The following DIAPH3 variants were observed in gnomAD, a reference collection of about 807,000 sequenced individuals.
DIAPH3 encodes the protein diaphanous related formin 3.
Under a neutral mutation model 144.3 loss-of-function variants are expected in DIAPH3, and 117 were observed. The ratio of observed to expected loss-of-function variants is 0.81; its 90% CI spans 0.70 to 0.95. The LOEUF (loss-of-function observed/expected upper bound fraction) is 0.95, where lower values mean the gene tolerates loss of function less well. DIAPH3 is among the 40% of genes least tolerant of loss of function. DIAPH3 has a pLI of 0.00. For synonymous variants in DIAPH3, 519 were observed against 488.9 expected, an observed-to-expected ratio of 1.06 and a Z score of -0.81; for missense variants, 1,421 against 1,412.7, an observed-to-expected ratio of 1.01 and a Z score of -0.09.
At chr13:60,117,786 C>G (rs1041442702) in intron 2 of DIAPH3, among the ~76,000 whole-genome samples, 2 of 152,110 alleles carry the variant, frequency 1.3e-5, no homozygotes, top group Non-Finnish European at 2.9e-5. Flanking sequence ...AAAAATATGA[C>G]AGGAATCCCC....
chr13:60,078,232 T>C (rs1431423865), intron 4 of DIAPH3, among the ~76,000 whole-genome samples: 2 of 152,106 alleles, frequency 1.3e-5, no homozygotes, highest in African/African-American at 4.8e-5. Flanking sequence ...ATATTATATC[T>C]CACTCAGTGC....
At chr13:59,741,548 G>A (rs1156657209) in intron 27 of DIAPH3, among the ~76,000 whole-genome samples, 1 of 151,988 alleles carries the variant, frequency 6.6e-6, no homozygotes, top group African/African-American at 2.4e-5. Context: ...CTTGAGCCCA[G>A]GAGTTCATGA....
At chr13:59,903,216 G>A (rs2046545205) in intron 20 of DIAPH3, among the ~76,000 whole-genome samples, 1 of 152,152 alleles carries the variant, frequency 6.6e-6, no homozygotes. Flanking sequence ...ACTGAACTCT[G>A]GGAAACATGA....
At chr13:60,117,626 A>G (rs1004847809) in intron 2 of DIAPH3, among the ~76,000 whole-genome samples, 23 of 152,242 alleles carry the variant, frequency 1.5e-4, no homozygotes, top group African/African-American at 5.5e-4. Context: ...TTATAAAAGA[A>G]GTTTCATTTT....
intron 20 of DIAPH3, among the ~76,000 whole-genome samples, chr13:59,891,890 A>G (rs2045821459): frequency 6.6e-6 from 1 of 152,020 alleles, no homozygotes; most frequent in Non-Finnish European, 1.5e-5. Flanking sequence ...GGTAATGCCT[A>G]TTTCTGCAGT....
chr13:60,053,768 AT>A (rs1317472852), intron 4 of DIAPH3, among the ~76,000 whole-genome samples: 1 of 152,028 alleles, frequency 6.6e-6, no homozygotes, highest in Non-Finnish European at 1.5e-5. Context: ...TTACCAGTTG[AT>A]TTTTGAAATA....
intron 9 of DIAPH3, among the ~76,000 whole-genome samples, chr13:60,002,262 C>T (rs1046823625): frequency 6.6e-6 from 1 of 152,166 alleles, no homozygotes; most frequent in African/African-American, 2.4e-5. Flanking sequence ...CTGCTGCCCA[C>T]AGTCTCTCCT....
At chr13:59,749,209 C>CAA (rs71197276) in intron 27 of DIAPH3, among the ~76,000 whole-genome samples, 1,327 of 24,974 alleles carry the variant, frequency 0.053, 165 homozygotes, top group South Asian at 0.078. Flanking sequence ...GACTCTGTCT[C>CAA]AAAAAAAAAA....
chr13:60,076,103 T>G (rs1372798472), intron 4 of DIAPH3, among the ~76,000 whole-genome samples: 1 of 152,226 alleles, frequency 6.6e-6, no homozygotes, highest in Non-Finnish European at 1.5e-5. Context: ...GTTCCAACCA[T>G]AAGTCTAATC....
At chr13:59,755,367 A>C (rs920285126) in intron 27 of DIAPH3, among the ~76,000 whole-genome samples, 1 of 152,182 alleles carries the variant, frequency 6.6e-6, no homozygotes, top group African/African-American at 2.4e-5. Flanking sequence ...GAAATTGAAA[A>C]TCTGCTCATT....
intron 5 of DIAPH3, among the ~76,000 whole-genome samples, chr13:60,028,782 C>T (rs1026537743): frequency 8.5e-5 from 13 of 152,182 alleles, no homozygotes; most frequent in South Asian, 4.1e-4. Flanking sequence ...TATTTTTGGC[C>T]GGGCACGGTG....
At chr13:60,150,837 GA>G (rs1344043948) in intron 1 of DIAPH3, among the ~76,000 whole-genome samples, 1 of 152,178 alleles carries the variant, frequency 6.6e-6, no homozygotes, top group Admixed American at 6.5e-5. Flanking sequence ...GAGGTGTGAG[GA>G]AGTGAGGAGT....
chr13:59,832,354 G>C (rs2041821972), intron 24 of DIAPH3, among the ~76,000 whole-genome samples: 1 of 151,708 alleles, frequency 6.6e-6, no homozygotes, highest in African/African-American at 2.4e-5. Context: ...AGATTAAAAA[G>C]AACCAGTTCT....
intron 2 of DIAPH3, among the ~76,000 whole-genome samples, chr13:60,131,733 TC>T (rs1459120076): frequency 6.6e-6 from 1 of 152,212 alleles, no homozygotes; most frequent in African/African-American, 2.4e-5. Context: ...GTTGTACAAT[TC>T]TTCTGAACAG....
At chr13:59,820,073 AT>A (rs2139626620) in intron 24 of DIAPH3, among the ~76,000 whole-genome samples, 1 of 152,052 alleles carries the variant, frequency 6.6e-6, no homozygotes, top group South Asian at 2.1e-4. Flanking sequence ...ATTTTTTATT[AT>A]TACAGTACCA....
chr13:59,848,065 T>A, intron 22 of DIAPH3, among the ~76,000 whole-genome samples: 1 of 152,174 alleles, frequency 6.6e-6, no homozygotes. Flanking sequence ...CAAAATGCAT[T>A]CGTTTTCCAA....
chr13:59,893,414 G>A (rs2045921528), intron 20 of DIAPH3, among the ~76,000 whole-genome samples: 1 of 152,226 alleles, frequency 6.6e-6, no homozygotes, highest in East Asian at 1.9e-4. Flanking sequence ...CTCTGAACTT[G>A]CAAGTGGTTA....
At chr13:59,723,190 T>C (rs1291541192) in intron 27 of DIAPH3, among the ~76,000 whole-genome samples, 1 of 152,170 alleles carries the variant, frequency 6.6e-6, no homozygotes, top group African/African-American at 2.4e-5. Flanking sequence ...ATGTTTAAAA[T>C]ATTCACTTGA....
At chr13:60,049,814 G>A (rs1173284789) in intron 4 of DIAPH3, among the ~76,000 whole-genome samples, 1 of 152,210 alleles carries the variant, frequency 6.6e-6, no homozygotes, top group Non-Finnish European at 1.5e-5. Flanking sequence ...AGATGGGGGA[G>A]ATAGAATAAA....
Sources: allele counts gnomAD v4.1 joint callset (sites outside exome capture counted in the v4.1 genomes callset), GRCh38; gene constraint gnomAD v4.1.1; transcripts MANE v1.5; gene names NCBI Gene and HGNC (gene_info 2026-07-23, HGNC 2026-07-21).